FSTL4: variants seen among roughly 807,000 people sequenced by gnomAD.
The protein encoded by FSTL4 is follistatin like 4.
A neutral mutation model predicts 78.2 loss-of-function variants in FSTL4; 28 were observed. The observed-to-expected ratio is 0.36, with a 90% confidence interval of 0.27 to 0.49. The LOEUF (loss-of-function observed/expected upper bound fraction) is 0.49. Among genes scored for constraint, FSTL4 ranks in the 20% least tolerant of loss-of-function variants. The probability of loss-of-function intolerance (pLI) is 0.98; values close to 1 mark genes in which losing one functional copy is unlikely to be tolerated. For missense variants in FSTL4, 922 were observed against 1,084.9 expected, an observed-to-expected ratio of 0.85 and a Z score of 2.11; for synonymous variants, 422 against 440.5, an observed-to-expected ratio of 0.96 and a Z score of 0.53.
intron 3 of FSTL4, among the ~76,000 whole-genome samples, chr5:133,555,780 A>G (rs1759774120): frequency 6.6e-6 from 1 of 152,124 alleles, no homozygotes; most frequent in Non-Finnish European, 1.5e-5. Context: ...GAGCCACAGG[A>G]CTCCCATTTT....
At chr5:133,727,040 G>A in the FSTL4 span, among the ~76,000 whole-genome samples, 2 of 152,126 alleles carry the variant, frequency 1.3e-5, no homozygotes, top group Admixed American at 6.5e-5. Flanking sequence ...GGCAGGTGGG[G>A]AACCATCACT....
At chr5:133,767,121 T>A in the FSTL4 span, among the ~76,000 whole-genome samples, 1 of 152,180 alleles carries the variant, frequency 6.6e-6, no homozygotes, top group African/African-American at 2.4e-5. Context: ...TAGGAGGTGG[T>A]AACTCCTGAA....
rs573723916 is a variant in FSTL4, at chr5:133,277,696, G to GT, written c.728-28121_728-28120insA. ...TAGACCTGACTTGCCCCTTGGGGTG[G>GT]CCCCTGATGCTCTGGATAAAGCAGC... On this transcript the variant is annotated intron_variant, in intron 6 of 15. Transcript: ENST00000265342. Among the ~76,000 whole-genome samples the GT allele has an allele frequency of 2.4e-3, 360 of 152,282 alleles. 2 individuals are homozygous for GT. Among genetic ancestry groups the GT allele is most frequent in the Non-Finnish European group, 4.0e-3 (270 of 68,014 alleles).
chr5:133,626,083 T>TATATATATATATTCC, the FSTL4 span, among the ~76,000 whole-genome samples: 1 of 70,214 alleles, frequency 1.4e-5, no homozygotes, highest in African/African-American at 6.3e-5. Flanking sequence ...ATATATTCCA[T>TATATATATATATTCC]ATATATATAT....
chr5:133,341,269 A>C (rs2126918374), intron 4 of FSTL4, among the ~76,000 whole-genome samples: 1 of 151,658 alleles, frequency 6.6e-6, no homozygotes, highest in South Asian at 2.1e-4. Context: ...AAAAAAAAAA[A>C]ACGTGTGCAG....
At chr5:133,393,326 C>T (rs1051801124) in intron 4 of FSTL4, among the ~76,000 whole-genome samples, 4 of 152,152 alleles carry the variant, frequency 2.6e-5, no homozygotes, top group Non-Finnish European at 5.9e-5. Flanking sequence ...AGATGTGTGG[C>T]GTTTCTTTTG....
intron 4 of FSTL4, among the ~76,000 whole-genome samples, chr5:133,339,477 C>A (rs1436444757): frequency 1.3e-5 from 2 of 152,052 alleles, no homozygotes; most frequent in African/African-American, 2.4e-5. Context: ...CCCTGGACAC[C>A]CCCTCAGAAC....
intron 7 of FSTL4, among the ~76,000 whole-genome samples, chr5:133,246,068 C>T (rs1040554190): frequency 1.3e-5 from 2 of 152,270 alleles, no homozygotes; most frequent in African/African-American, 2.4e-5. Flanking sequence ...CTCATACAAA[C>T]GACAAAGAAA....
intron 3 of FSTL4, among the ~76,000 whole-genome samples, chr5:133,562,658 C>A (rs923714198): frequency 6.6e-6 from 1 of 152,158 alleles, no homozygotes; most frequent in Admixed American, 6.5e-5. Context: ...TGTGCGGGAG[C>A]CAGCGCTGGG....
At chr5:133,570,787 T>C (rs1414749369) in intron 2 of FSTL4, among the ~76,000 whole-genome samples, 4 of 152,170 alleles carry the variant, frequency 2.6e-5, no homozygotes, top group Admixed American at 6.5e-5. Context: ...AGGAAAGTTA[T>C]GAGAGAAAAG....
chr5:133,562,575 G>A (rs1426126782), intron 3 of FSTL4, among the ~76,000 whole-genome samples: 1 of 152,152 alleles, frequency 6.6e-6, no homozygotes, highest in Non-Finnish European at 1.5e-5. Context: ...CCTGAAGACA[G>A]CAGCAGCCCT....
intron 7 of FSTL4, among the ~76,000 whole-genome samples, chr5:133,242,916 C>A (rs547024505): frequency 6.6e-6 from 1 of 152,172 alleles, no homozygotes; most frequent in Admixed American, 6.5e-5. Flanking sequence ...GCTAATCAAA[C>A]GCCTCTCATC....
intron 3 of FSTL4, among the ~76,000 whole-genome samples, chr5:133,417,885 G>A (rs561914483): frequency 6.0e-5 from 9 of 150,664 alleles, no homozygotes; most frequent in Admixed American, 6.0e-4. Flanking sequence ...CTTGAACCCG[G>A]GAGGCGGAGG....
intron 6 of FSTL4, among the ~76,000 whole-genome samples, chr5:133,304,788 AATC>A (rs1753619900): frequency 1.3e-5 from 2 of 152,212 alleles, no homozygotes; most frequent in African/African-American, 4.8e-5. Context: ...ACTGGCCAGC[AATC>A]ATCAGTTCTG....
At chr5:133,784,580 C>G in the FSTL4 span, among the ~76,000 whole-genome samples, 1 of 152,140 alleles carries the variant, frequency 6.6e-6, no homozygotes, top group African/African-American at 2.4e-5. Flanking sequence ...TTGTAAGTGG[C>G]AGAGCAGGGA....
At chr5:133,452,820 C>T (rs1478568874) in intron 3 of FSTL4, among the ~76,000 whole-genome samples, 1 of 152,228 alleles carries the variant, frequency 6.6e-6, no homozygotes, top group African/African-American at 2.4e-5. Context: ...AGAGAGAACA[C>T]ACATGGCACA....
At chr5:133,239,818 A>G (rs1159850650) in intron 7 of FSTL4, among the ~76,000 whole-genome samples, 2 of 152,140 alleles carry the variant, frequency 1.3e-5, no homozygotes, top group Non-Finnish European at 2.9e-5. Context: ...ACCGTGGAGA[A>G]CTTTTGTGTC....
chr5:133,779,932 G>T, the FSTL4 span, among the ~76,000 whole-genome samples: 1 of 152,174 alleles, frequency 6.6e-6, no homozygotes, highest in Admixed American at 6.5e-5. Flanking sequence ...GAGCAAGATG[G>T]ATCAGGAGGG....
chr5:133,309,197 C>T (rs1753720714), intron 6 of FSTL4, among the ~76,000 whole-genome samples: 1 of 151,736 alleles, frequency 6.6e-6, no homozygotes, highest in South Asian at 2.1e-4. Context: ...GGGTCTCTGC[C>T]ATGGCAGGGA....
Sources: gnomAD v4.1 joint callset for allele counts (sites outside exome capture counted in the v4.1 genomes callset) on GRCh38, gnomAD v4.1.1 for gene constraint, MANE v1.5 for transcripts, NCBI Gene and HGNC (gene_info 2026-07-23, HGNC 2026-07-21) for gene names.